Variants in PTPRT observed in about 807,000 individuals in gnomAD.
PTPRT encodes receptor-type tyrosine-protein phosphatase T.
In PTPRT, 56 loss-of-function variants were observed where a neutral mutation model predicts 176.8. The observed-to-expected ratio is 0.32, with a 90% confidence interval of 0.26 to 0.40. PTPRT has a LOEUF of 0.40. Among genes scored for constraint, PTPRT ranks in the 10% least tolerant of loss-of-function variants. The pLI, the probability that PTPRT is intolerant of heterozygous loss-of-function variation, is 1.00. For missense variants in PTPRT, 1,540 were observed against 1,908.2 expected (o/e 0.81, Z 3.60); for synonymous variants, 783 against 739.0 (o/e 1.06, Z -0.96).
At chr20:42,099,542 TGGGCGGGGGGGGGGG>T (rs1427592917) in intron 26 of PTPRT, among the ~76,000 whole-genome samples, 1 of 8,708 alleles carries the variant, frequency 1.1e-4, no homozygotes, top group Non-Finnish European at 1.9e-4. Context: ...GAAAATGGCC[TGGGCGGGGGGGGGGG>T]GGGTGGGGTG....
At chr20:42,408,653 G>A in intron 9 of PTPRT, among the ~76,000 whole-genome samples, 1 of 151,668 alleles carries the variant, frequency 6.6e-6, no homozygotes, top group East Asian at 1.9e-4. Context: ...CTATACATGG[G>A]TGAACAGAGA....
At chr20:42,576,185 G>A (rs1017049012) in intron 7 of PTPRT, among the ~76,000 whole-genome samples, 1 of 152,082 alleles carries the variant, frequency 6.6e-6, no homozygotes. Context: ...TCTGGCAGGG[G>A]CGCACTTTCT....
chr20:42,051,751 A>T, the PTPRT span, among the ~76,000 whole-genome samples: 1 of 152,254 alleles, frequency 6.6e-6, no homozygotes, highest in East Asian at 1.9e-4. Context: ...ACAAATAAAA[A>T]TTAAAATATG....
intron 2 of PTPRT, among the ~76,000 whole-genome samples, chr20:42,810,860 G>A (rs536871769): frequency 3.3e-5 from 5 of 152,258 alleles, no homozygotes; most frequent in Admixed American, 3.3e-4. Flanking sequence ...ACCCGCCCCA[G>A]GTCTTAATTC....
chr20:43,010,612 G>A (rs991245123), intron 1 of PTPRT, among the ~76,000 whole-genome samples: 1 of 152,060 alleles, frequency 6.6e-6, no homozygotes, highest in Non-Finnish European at 1.5e-5. Flanking sequence ...TATACTGGTT[G>A]ACAGCATCAT....
intron 11 of PTPRT, 120 bp downstream of exon 11, chr20:42,350,508 G>T: frequency 2.3e-6 from 2 of 858,740 alleles, no homozygotes; most frequent in Non-Finnish European, 3.8e-6. Flanking sequence ...TCCTTCCTCC[G>T]AGGAAGCTTT....
intron 1 of PTPRT, among the ~76,000 whole-genome samples, chr20:43,152,936 T>G (rs2014404776): frequency 6.6e-6 from 1 of 152,218 alleles, no homozygotes; most frequent in Non-Finnish European, 1.5e-5. Context: ...AATTTTTTTT[T>G]TACCTACTTG....
intron 11 of PTPRT, among the ~76,000 whole-genome samples, 164 bp downstream of exon 11, chr20:42,350,464 G>C (rs1262469887): frequency 6.6e-6 from 1 of 152,012 alleles, no homozygotes; most frequent in Non-Finnish European, 1.5e-5. Flanking sequence ...TGAACTCAGG[G>C]GCTCCCTTTG....
At chr20:42,921,905 T>C (rs1325301040) in intron 1 of PTPRT, among the ~76,000 whole-genome samples, 1 of 152,124 alleles carries the variant, frequency 6.6e-6, no homozygotes, top group Non-Finnish European at 1.5e-5. Context: ...TCCTCCTTTC[T>C]CAGATTCCAC....
chr20:42,105,525 T>G (rs61122863), intron 24 of PTPRT, among the ~76,000 whole-genome samples: 2,848 of 152,314 alleles, frequency 0.019, 100 homozygotes, highest in African/African-American at 0.064. Context: ...GTGTTACTTC[T>G]AGGCCCCAGA....
intron 15 of PTPRT, among the ~76,000 whole-genome samples, chr20:42,209,489 C>G (rs2055563697): frequency 6.6e-6 from 1 of 152,138 alleles, no homozygotes; most frequent in Non-Finnish European, 1.5e-5. Context: ...CACAGAAATG[C>G]AAACTACCAT....
intron 7 of PTPRT, among the ~76,000 whole-genome samples, chr20:42,650,985 CA>C (rs1012569810): frequency 1.3e-5 from 2 of 151,852 alleles, no homozygotes; most frequent in African/African-American, 2.4e-5. Flanking sequence ...GAGAGGCCCC[CA>C]AAATAAACTA....
intron 6 of PTPRT, among the ~76,000 whole-genome samples, chr20:42,700,494 C>A (rs933283650): frequency 7.9e-5 from 12 of 152,180 alleles, no homozygotes; most frequent in Admixed American, 7.9e-4. Context: ...ATGCTAATGG[C>A]CCATGCACAG....
chr20:42,246,347 C>T (rs1402652075), intron 14 of PTPRT, among the ~76,000 whole-genome samples: 4 of 152,058 alleles, frequency 2.6e-5, no homozygotes, highest in Non-Finnish European at 2.9e-5. Flanking sequence ...CTGTTCCAAT[C>T]AACTAGGCCA....
chr20:42,547,174 T>C (rs984180988), intron 7 of PTPRT, among the ~76,000 whole-genome samples: 3 of 152,182 alleles, frequency 2.0e-5, no homozygotes, highest in African/African-American at 7.2e-5. Context: ...CTCAGAACTC[T>C]AACACTTATT....
chr20:43,169,396 T>C (rs919500821), intron 1 of PTPRT, among the ~76,000 whole-genome samples: 1 of 152,186 alleles, frequency 6.6e-6, no homozygotes, highest in African/African-American at 2.4e-5. Context: ...CTTTGGGGTC[T>C]TCCAAGGAGA....
At chr20:42,116,013 C>T (rs1327221402) in intron 21 of PTPRT, 1 of 718,086 alleles carries the variant, frequency 1.4e-6, no homozygotes, top group Admixed American at 2.0e-5. Flanking sequence ...ATGGTTTTCC[C>T]CTTAAAAGAA....
At chr20:42,111,648 G>C (rs1397777781) in intron 22 of PTPRT, among the ~76,000 whole-genome samples, 1 of 151,448 alleles carries the variant, frequency 6.6e-6, no homozygotes, top group East Asian at 1.9e-4. Context: ...ACTTCAACAT[G>C]CTAACTTACT....
In PTPRT at chr20:42,797,810, G is replaced by A. The variant is rs938708801; in HGVS notation, c.215-6344C>T. Among the ~76,000 whole-genome samples the A allele has an allele frequency of 2.6e-5, 4 of 152,236 alleles. No individual in the cohort carries two copies. In the South Asian group the frequency reaches 8.3e-4, roughly 32 times the overall value. ...CAGAATCACAGTTGAGGAGCTATCT[G>A]AGGAGGCTATGCTGCTTACTTTGAG... On this transcript the variant is annotated intron_variant, in intron 2 of 30. Transcript: ENST00000373187.
Sources: gnomAD v4.1 joint callset for allele counts (sites outside exome capture counted in the v4.1 genomes callset) on GRCh38, gnomAD v4.1.1 for gene constraint, MANE v1.5 for transcripts, NCBI Gene and HGNC (gene_info 2026-07-23, HGNC 2026-07-21) for gene names.